The following RAB23 variants were observed in gnomAD, a reference collection of about 807,000 sequenced individuals.
The protein encoded by RAB23 is ras-related protein Rab-23.
Under a neutral mutation model 30.0 loss-of-function variants are expected in RAB23, and 15 were observed. That is an observed-to-expected ratio of 0.50 (90% CI 0.33 to 0.77). The LOEUF is 0.77. Among genes scored for constraint, RAB23 ranks in the 30% least tolerant of loss-of-function variants. RAB23 has a pLI of 0.02. For synonymous variants in RAB23, 93 were observed against 94.0 expected (o/e 0.99, Z 0.06); for missense variants, 243 against 275.4 (o/e 0.88, Z 0.83).
intron 3 of RAB23, among the ~76,000 whole-genome samples, chr6:57,200,260 C>T (rs544791728): frequency 1.3e-5 from 2 of 150,850 alleles, no homozygotes; most frequent in East Asian, 1.9e-4. Flanking sequence ...ATGTCTTGGC[C>T]GGGTGCGGTG....
intron 5 of RAB23, 86 bp from the exon 6 acceptor site, chr6:57,194,020 T>G (rs950673515): frequency 6.6e-7 from 1 of 1,514,784 alleles, no homozygotes; most frequent in Non-Finnish European, 8.9e-7. Flanking sequence ...ATATTTATAC[T>G]TACTAAACAA....
At chr6:57,195,480 G>A (rs1394092257) in intron 4 of RAB23, among the ~76,000 whole-genome samples, 1 of 152,150 alleles carries the variant, frequency 6.6e-6, no homozygotes, top group Non-Finnish European at 1.5e-5. Context: ...CTGGTCTTCA[G>A]CCCCTTGTGT....
chr6:57,210,532 T>C lies in RAB23; in HGVS notation c.-65-87A>G, dbSNP rs953616805. On this transcript the variant is annotated intron_variant, in intron 1 of 6. Transcript: ENST00000468148. Reference sequence around the variant, plus strand: ...TTTATCAAGAAATTATCACATTGCATTGCAAGGATGTGTTTTCATAACTGA... The same window carrying C: ...TTTATCAAGAAATTATCACATTGCACTGCAAGGATGTGTTTTCATAACTGA... 5 of 856,362 alleles carry C rather than the reference T, an allele frequency of 5.8e-6. No homozygotes were observed. In the Admixed American group the frequency reaches 6.2e-5, roughly 11 times the overall value. 53.0% of individuals were successfully genotyped at this position (856,362 alleles called of 1,614,324 possible).
At chr6:57,201,614 T>G (rs2128000350) in intron 3 of RAB23, among the ~76,000 whole-genome samples, 1 of 152,332 alleles carries the variant, frequency 6.6e-6, no homozygotes, top group South Asian at 2.1e-4. Flanking sequence ...TTTATTTGGG[T>G]TTTCATTTCC....
At chr6:57,216,043 G>A (rs1198418680) in intron 1 of RAB23, among the ~76,000 whole-genome samples, 2 of 152,158 alleles carry the variant, frequency 1.3e-5, no homozygotes, top group African/African-American at 4.8e-5. Context: ...AAATTACAAT[G>A]CCATATGTTT....
chr6:57,211,402 G>A (rs138667849), intron 1 of RAB23, among the ~76,000 whole-genome samples: 10 of 152,248 alleles, frequency 6.6e-5, no homozygotes, highest in African/African-American at 2.4e-4. Context: ...TGAAGCTGCA[G>A]TGAGCTATGG....
chr6:57,196,390 T>G, intron 4 of RAB23, 60 bp downstream of exon 4: 3 of 1,597,186 alleles, frequency 1.9e-6, no homozygotes, highest in South Asian at 2.2e-5. Flanking sequence ...TATGCAAAAA[T>G]TAAGATGTCT....
chr6:57,216,369 G>T (rs1765836591), intron 1 of RAB23, among the ~76,000 whole-genome samples: 1 of 152,120 alleles, frequency 6.6e-6, no homozygotes, highest in Non-Finnish European at 1.5e-5. Flanking sequence ...AAAACACACA[G>T]ATAAATCAAA....
intron 5 of RAB23, 95 bp downstream of exon 5, chr6:57,194,675 G>T: frequency 1.1e-6 from 1 of 933,386 alleles, no homozygotes; most frequent in Non-Finnish European, 1.6e-6. Flanking sequence ...AAAAAATCTT[G>T]TTCTCGTTAT....
chr6:57,198,859 A>C (rs951130072), intron 3 of RAB23, among the ~76,000 whole-genome samples: 15 of 152,250 alleles, frequency 9.9e-5, no homozygotes, highest in African/African-American at 2.9e-4. Context: ...TGGAAAAAAA[A>C]CCCCAAACAG....
chr6:57,211,574 G>C (rs1031864035), intron 1 of RAB23, among the ~76,000 whole-genome samples: 4 of 152,158 alleles, frequency 2.6e-5, no homozygotes, highest in African/African-American at 9.7e-5. Context: ...AGGTAATAAT[G>C]TCCCTAAAAA....
rs768077901 is a variant in RAB23 at position 57,188,267 on chromosome 6, A to G, written c.*2194T>C. On this transcript the variant is annotated 3_prime_UTR_variant, in exon 7 of 7. Coordinates refer to ENST00000468148, the MANE Select transcript of RAB23 (RefSeq NM_016277.5). ...CATGGCTGACTTTCAGGCCTACTTA[A>G]TTATTTTAAATGACTAATTATGGTT... 7 of 152,144 alleles carry G rather than the reference A, an allele frequency of 4.6e-5. No homozygotes were observed. The highest frequency in any genetic ancestry group is 8.8e-5 in the Non-Finnish European group (6 of 67,982). 9.4% of individuals were successfully genotyped at this position (152,144 alleles called of 1,614,324 possible).
At chr6:57,213,817 A>G (rs982953551) in intron 1 of RAB23, among the ~76,000 whole-genome samples, 8 of 151,876 alleles carry the variant, frequency 5.3e-5, no homozygotes, top group African/African-American at 1.7e-4. Context: ...ACCAACAACA[A>G]AAAAACATAA....
At chr6:57,208,447 T>TACCA (rs148988830) in intron 2 of RAB23, among the ~76,000 whole-genome samples, 4,077 of 151,998 alleles carry the variant, frequency 0.027, 184 homozygotes, top group African/African-American at 0.094. Context: ...AGGAGTTCAG[T>TACCA]ACCAGCCTGG....
rs1257753397 is a variant in RAB23, at chr6:57,188,610, A to AAAAG, written c.*1847_*1850dup. ...GAGAGTAGAAAATTGAAGAGAGTAG[A>AAAAG]AAAGATGACTCATTAGCAGTATCCA... On this transcript the variant is annotated 3_prime_UTR_variant, in exon 7 of 7. Coordinates refer to ENST00000468148, the MANE Select transcript of RAB23 (RefSeq NM_016277.5). 4 of 152,154 alleles carry AAAAG rather than the reference A, an allele frequency of 2.6e-5. 1 individual carries two copies. In the South Asian group the frequency reaches 8.3e-4, roughly 32 times the overall value. The allele number at this position is 152,154 out of a possible 1,614,324, so 9.4% of individuals were successfully genotyped here.
At position 57,210,236 on chromosome 6, in the gene RAB23, G is replaced by A. The variant is rs1049674573; in HGVS notation, c.145C>T (p.Arg49Ter). The A allele has an allele frequency of 6.8e-6, 11 of 1,613,728 alleles. No individual in the cohort carries two copies. The highest frequency in any genetic ancestry group is 4.5e-5 in the East Asian group (2 of 44,884). ...KKTIGVDFLE[R>*]QIQVNDEDVR... ...TGGCCAAGTACTTACTGAATTTGTC[G>A]CTCCAAAAAATCAACTCCAATGGTT... is the stretch of plus-strand genomic sequence containing the variant. Residue 49 changes from arginine to a stop codon, truncating the protein, a stop_gained, in exon 2 of 7, where the codon CGA (arginine) becomes TGA (stop). Transcript: ENST00000468148. LOFTEE classifies it high-confidence loss of function.
rs1554308149 is a variant in RAB23, at chr6:57,189,054, G to GTTAT, written c.*1403_*1406dup. On this transcript the variant is annotated 3_prime_UTR_variant, in exon 7 of 7. Coordinates refer to ENST00000468148, the MANE Select transcript of RAB23 (RefSeq NM_016277.5). ...GTAAAAACCAGGTATATTGAAAGGGGTTATTTATAGGTTAAAAATAAAGCC... is the reference window on the plus strand; with the variant it reads ...GTAAAAACCAGGTATATTGAAAGGGGTTATTTATTTATAGGTTAAAAATAAAGCC... 1 of 152,106 alleles carries GTTAT rather than the reference G, an allele frequency of 6.6e-6. No individual in the cohort carries two copies. Among genetic ancestry groups the GTTAT allele is most frequent in the Non-Finnish European group, 1.5e-5 (1 of 68,018 alleles). 9.4% of individuals were successfully genotyped at this position (152,106 alleles called of 1,614,324 possible). A position where few individuals can be genotyped will look rare whatever the true frequency, so the allele number is the denominator to read the frequency against.
intron 3 of RAB23, among the ~76,000 whole-genome samples, chr6:57,196,878 C>T (rs1765043485): frequency 6.6e-6 from 1 of 152,114 alleles, no homozygotes; most frequent in African/African-American, 2.4e-5. Context: ...CAGTGGTTCT[C>T]AAATGTGTTC....
intron 6 of RAB23, among the ~76,000 whole-genome samples, chr6:57,193,014 T>C (rs1038178471): frequency 1.3e-5 from 2 of 152,124 alleles, no homozygotes; most frequent in African/African-American, 4.8e-5. Context: ...AAATGTTGGA[T>C]TGAAGAGAAT....
Sources: allele counts gnomAD v4.1 joint callset (sites outside exome capture counted in the v4.1 genomes callset), GRCh38; gene constraint gnomAD v4.1.1; transcripts MANE v1.5; gene names NCBI Gene and HGNC (gene_info 2026-07-23, HGNC 2026-07-21).